STK11: variants seen among roughly 807,000 people sequenced by gnomAD.
The protein encoded by STK11 is serine/threonine kinase 11.
In STK11, 8 loss-of-function variants were observed where a neutral mutation model predicts 47.3. That is an observed-to-expected ratio of 0.17 (90% confidence interval 0.10 to 0.31). The LOEUF (loss-of-function observed/expected upper bound fraction) is 0.31, where lower values mean the gene tolerates loss of function less well. STK11 is among the 10% of genes least tolerant of loss of function. The pLI is 1.00. For missense variants in STK11, 475 were observed against 605.0 expected, an observed-to-expected ratio of 0.79 and a Z score of 2.25; for synonymous variants, 330 against 255.8, an observed-to-expected ratio of 1.29 and a Z score of -2.77.
chr19:1,214,619 G>A (rs972830765), intron 1 of STK11, among the ~76,000 whole-genome samples: 14 of 152,308 alleles, frequency 9.2e-5, no homozygotes, highest in African/African-American at 3.4e-4. Flanking sequence ...TTTTAGGGCC[G>A]TGCAGCCTCC....
intron 8 of STK11, chr19:1,225,261 C>G: frequency 1.0e-6 from 1 of 985,272 alleles, no homozygotes; most frequent in Non-Finnish European, 1.2e-6. Flanking sequence ...GCCTCCTCAC[C>G]AAGGTCTTTT....
rs761361803 is a variant in STK11 at position 1,220,356 on chromosome 19, G to A, written c.465-17G>A. 10 of 1,593,172 alleles carry A rather than the reference G, an allele frequency of 6.3e-6. No homozygotes were observed. The highest frequency in any genetic ancestry group is 1.1e-5 in the South Asian group (1 of 87,990). Reference sequence around the variant, plus strand: ...CAGGGAGGCCTCGGCCCCAGGACGGGTGTGTGCTGCCCGCAGGTACTTCTG... The same window carrying A: ...CAGGGAGGCCTCGGCCCCAGGACGGATGTGTGCTGCCCGCAGGTACTTCTG... On this transcript the variant is annotated splice_polypyrimidine_tract_variant and intron_variant, in intron 3 of 9. Transcript: ENST00000326873.
rs2080785804 is a variant in STK11, at chr19:1,221,719, C to T, written c.863-230C>T. 3 of 608,404 alleles carry T rather than the reference C, an allele frequency of 4.9e-6. No homozygotes were observed. The South Asian group carries it at 6.0e-5, about 12-fold the overall frequency. 37.7% of individuals were successfully genotyped at this position (608,404 alleles called of 1,614,324 possible). On this transcript the variant is annotated intron_variant, in intron 6 of 9. Coordinates refer to ENST00000326873, the MANE Select transcript of STK11 (RefSeq NM_000455.5). ...AGTGGCCTTGGGAGAACGGAACCGC[C>T]CTGGCCGTCCAGCCCAGCCCTGTCT... is the stretch of plus-strand genomic sequence containing the variant.
intron 8 of STK11, 180 bp from the exon 9 acceptor site, chr19:1,226,274 G>C (rs898105886): frequency 1.3e-5 from 19 of 1,432,868 alleles, no homozygotes; most frequent in Admixed American, 1.1e-4. Context: ...GCCCCGGGGG[G>C]TGCCTCCCAG....
chr19:1,228,373 G>A lies in STK11; in HGVS notation c.*797G>A, dbSNP rs945474065. The A allele has an allele frequency of 2.1e-5, 5 of 234,742 alleles. No homozygotes were observed. The highest frequency in any genetic ancestry group is 6.6e-5 in the African/African-American group (3 of 45,220). The allele number at this position is 234,742 out of a possible 1,614,324, so 14.5% of individuals were successfully genotyped here. A position where few individuals can be genotyped will look rare whatever the true frequency, so the allele number is the denominator to read the frequency against. On this transcript the variant is annotated 3_prime_UTR_variant, in exon 10 of 10. Transcript: ENST00000326873. ...GTGCAGACGCGGCGGGGACTCGGAG[G>A]GTGCCGTGCGGGCGAGGCCGCCCAA... is the stretch of plus-strand genomic sequence containing the variant.
At chr19:1,210,009 A>G (rs2080698543) in intron 1 of STK11, among the ~76,000 whole-genome samples, 1 of 152,106 alleles carries the variant, frequency 6.6e-6, no homozygotes, top group African/African-American at 2.4e-5. Context: ...TGAGTGTGTA[A>G]CGGCTTTGCC....
At position 1,228,137 on chromosome 19, in the gene STK11, G is replaced by T; in HGVS notation, c.*561G>T. The T allele has an allele frequency of 9.4e-7, 1 of 1,065,212 alleles. No homozygotes were observed. The highest frequency in any genetic ancestry group is 4.6e-5 in the South Asian group (1 of 21,978). The allele number at this position is 1,065,212 out of a possible 1,614,324, so 66.0% of individuals were successfully genotyped here. A position where few individuals can be genotyped will look rare whatever the true frequency, so the allele number is the denominator to read the frequency against. On this transcript the variant is annotated 3_prime_UTR_variant, in exon 10 of 10. Coordinates refer to ENST00000326873, the MANE Select transcript of STK11 (RefSeq NM_000455.5). ...GTGTTTGGGAGCTGCTGGGTGGCAG[G>T]GGGGCTGTGGGGTCGGGCTCACGTC...
intron 8 of STK11, chr19:1,225,038 C>T (rs1004568287): frequency 5.1e-6 from 5 of 985,576 alleles, no homozygotes; most frequent in Non-Finnish European, 6.0e-6. Context: ...CTCACGTGTC[C>T]CTACCCAGGA....
At chr19:1,223,664 C>G (rs2080801627) in intron 8 of STK11, 5 of 1,058,682 alleles carry the variant, frequency 4.7e-6, no homozygotes, top group Non-Finnish European at 5.7e-6. Context: ...TGAGGCAGGG[C>G]TTAGAGCGGA....
In STK11 at chr19:1,208,957, C is replaced by T. The variant is rs532187305; in HGVS notation, c.290+1754C>T. On this transcript the variant is annotated intron_variant, in intron 1 of 9. Coordinates refer to ENST00000326873, the MANE Select transcript of STK11 (RefSeq NM_000455.5). The stretch of plus-strand genomic sequence containing the variant: ...TAATCAGCATGCAGGCTGTGACATG[C>T]GGAAACCAGGGGCACAGGCTCTGAA... Among the ~76,000 whole-genome samples, 6 of 152,122 alleles carry T rather than the reference C, an allele frequency of 3.9e-5. No individual in the cohort carries two copies. In the East Asian group the frequency reaches 5.8e-4, roughly 15 times the overall value.
intron 1 of STK11, among the ~76,000 whole-genome samples, chr19:1,208,780 G>T (rs1277530343): frequency 1.7e-5 from 2 of 114,732 alleles, no homozygotes; most frequent in Non-Finnish European, 1.7e-5. Context: ...ACAGTGCCCA[G>T]CTAATTTTTT....
intron 4 of STK11, 26 bp downstream of exon 4, chr19:1,220,531 G>A (rs2145424831): frequency 6.3e-7 from 1 of 1,587,592 alleles, no homozygotes; most frequent in Non-Finnish European, 8.6e-7. Flanking sequence ...GGGGGGCCCT[G>A]GGGCGCCCCC....
rs779583262 is a variant in STK11 at position 1,223,114 on chromosome 19, C to T, written c.1050C>T (p.Asp350=). ...YLEDLHGADE[D]EDLFDIEDDI... ...AGGACCTGCACGGCGCGGACGAGGA[C>T]GAGGACCTCTTCGACATCGAGGATG... Residue 350 remains aspartate (D), a synonymous_variant, in exon 8 of 10, where the codon GAC becomes GAT. Transcript: ENST00000326873. 34 of 1,611,620 alleles carry T rather than the reference C, an allele frequency of 2.1e-5. No individual in the cohort carries two copies. The highest frequency in any genetic ancestry group is 2.2e-5 in the South Asian group (2 of 90,798).
chr19:1,226,045 G>A, intron 8 of STK11: 1 of 1,028,616 alleles, frequency 9.7e-7, no homozygotes, highest in African/African-American at 1.7e-5. Flanking sequence ...GCCCTCCTGT[G>A]TCCTCACAGA....
rs2145434677 is a variant in STK11, at chr19:1,225,689, A to G, written c.1109-765A>G. On this transcript the variant is annotated intron_variant, in intron 8 of 9. Coordinates refer to ENST00000326873, the MANE Select transcript of STK11 (RefSeq NM_000455.5). ...GGAGCTGGGGCTCTGCACTGGGCAC[A>G]TGAGCTCTGGGGCAGCCCGGGGCGG... 6.1e-6 allele frequency: 6 copies of G among 985,608 alleles called. 1 individual carries two copies. In the South Asian group the frequency reaches 2.8e-4, roughly 46 times the overall value. The allele number at this position is 985,608 out of a possible 1,614,324, so 61.1% of individuals were successfully genotyped here.
rs996585094 is a variant in STK11, at chr19:1,221,592, C to T, written c.862+252C>T. The stretch of plus-strand genomic sequence containing the variant: ...AGTGCTGCCCTGCGCCTCCCCCAGC[C>T]CCACCCTCGGGGGCTCCCTGGCTTG... On this transcript the variant is annotated intron_variant, in intron 6 of 9. Coordinates refer to ENST00000326873, the MANE Select transcript of STK11 (RefSeq NM_000455.5). The T allele has an allele frequency of 4.2e-5, 26 of 616,706 alleles. No homozygotes were observed. In the South Asian group the frequency reaches 4.6e-4, roughly 11 times the overall value. 38.2% of individuals were successfully genotyped at this position (616,706 alleles called of 1,614,324 possible).
rs2080837279 is a variant in STK11 at position 1,227,819 on chromosome 19, G to A, written c.*243G>A. ...GCTTGTTGACTTCGCAGCCCCGGGC[G>A]GAGCCTTCCCGGGCGGGCGTGGGAG... On this transcript the variant is annotated 3_prime_UTR_variant, in exon 10 of 10. Transcript: ENST00000326873. 1.9e-6 allele frequency: 2 copies of A among 1,072,164 alleles called. No individual in the cohort carries two copies. Among genetic ancestry groups the A allele is most frequent in the South Asian group, 4.5e-5 (1 of 22,036 alleles). 66.4% of individuals were successfully genotyped at this position (1,072,164 alleles called of 1,614,324 possible). A position where few individuals can be genotyped will look rare whatever the true frequency, so the allele number is the denominator to read the frequency against.
Position 1,212,273 on chromosome 19 carries a change from C to CTT in STK11, c.290+5096_290+5097dup, listed in dbSNP as rs775284754. On this transcript the variant is annotated intron_variant, in intron 1 of 9. Transcript: ENST00000326873. ...AAACTGGACTCAATTTTCTTAACAC[C>CTT]TTTTTTTTTTTTTTTTTTTTTTTTT... is the stretch of plus-strand genomic sequence containing the variant. Among the ~76,000 whole-genome samples the CTT allele has an allele frequency of 1.7e-3, 150 of 89,838 alleles. 10 individuals carry two copies. The highest frequency in any genetic ancestry group is 2.3e-3 in the Non-Finnish European group (114 of 50,096). The allele number at this position is 89,838 out of a possible 152,430, so 58.9% of individuals were successfully genotyped here.
At chr19:1,208,306 ATTTTTTTTTT>A (rs61525470) in intron 1 of STK11, among the ~76,000 whole-genome samples, 1 of 115,980 alleles carries the variant, frequency 8.6e-6, no homozygotes, top group Non-Finnish European at 1.8e-5. Flanking sequence ...GCTCACGTAC[ATTTTTTTTTT>A]TTTTTTTTTG....
Sources: gnomAD v4.1 joint callset for allele counts (sites outside exome capture counted in the v4.1 genomes callset) on GRCh38, gnomAD v4.1.1 for gene constraint, MANE v1.5 for transcripts, NCBI Gene and HGNC (gene_info 2026-07-23, HGNC 2026-07-21) for gene names.